Variants in FAT3 observed in about 807,000 individuals in gnomAD.
The protein encoded by FAT3 is protocadherin Fat 3.
FAT3 carries 95 observed loss-of-function variants against 310.2 expected under a neutral mutation model. The observed-to-expected ratio is 0.31, with a 90% CI of 0.26 to 0.36. The LOEUF is 0.36. Among genes scored for constraint, FAT3 ranks in the 10% least tolerant of loss-of-function variants. FAT3 has a pLI of 1.00. For missense variants in FAT3, 5,408 were observed against 5,715.6 expected, an observed-to-expected ratio of 0.95 and a Z score of 1.74; for synonymous variants, 2,314 against 2,192.9, an observed-to-expected ratio of 1.06 and a Z score of -1.54.
chr11:92,395,993 T>A (rs142883782), intron 2 of FAT3, among the ~76,000 whole-genome samples: 1 of 152,140 alleles, frequency 6.6e-6, no homozygotes, highest in African/African-American at 2.4e-5. Flanking sequence ...GTCTTTTCCC[T>A]TAGGAGAAAT....
At chr11:92,708,300 C>G (rs1019208363) in intron 4 of FAT3, among the ~76,000 whole-genome samples, 8 of 152,254 alleles carry the variant, frequency 5.3e-5, no homozygotes, top group Admixed American at 4.6e-4. Flanking sequence ...AAAAAAATCT[C>G]TTATAAGACA....
Position 92,844,243 on chromosome 11 carries a change from C to T in FAT3, c.10876C>T (p.Arg3626Cys), listed in dbSNP as rs1409486526. The change falls in exon 19 of 28, where the codon CGC becomes TGC. Residue 3626 changes from arginine to cysteine, a missense_variant. By Grantham distance (180) the Arg-to-Cys change is radical. Transcript: ENST00000525166. The part of the protein sequence containing the change: ...YVLNVSVSDG[R>C]FQVPIDVVVH... ...CCTGAATGTGTCTGTGAGTGATGGT[C>T]GCTTCCAGGTACCCATTGATGTGGT... The T allele has an allele frequency of 9.3e-6, 15 of 1,613,960 alleles. No homozygotes were observed. Among genetic ancestry groups the T allele is most frequent in the East Asian group, 8.9e-5 (4 of 44,884 alleles).
intron 4 of FAT3, among the ~76,000 whole-genome samples, chr11:92,754,485 A>G (rs893785941): frequency 6.6e-6 from 1 of 151,454 alleles, no homozygotes; most frequent in Non-Finnish European, 1.5e-5. Context: ...AAAATTAGCC[A>G]GGCATGGTGG....
At chr11:92,239,858 C>T (rs555935736) in intron 1 of FAT3, among the ~76,000 whole-genome samples, 1 of 152,102 alleles carries the variant, frequency 6.6e-6, no homozygotes, top group Non-Finnish European at 1.5e-5. Flanking sequence ...TTGGACCCAG[C>T]TTTTCTTGCC....
At chr11:92,519,438 A>G (rs1344380103) in intron 2 of FAT3, among the ~76,000 whole-genome samples, 1 of 152,142 alleles carries the variant, frequency 6.6e-6, no homozygotes, top group Non-Finnish European at 1.5e-5. Flanking sequence ...ACCAGAAGAA[A>G]ACACAGGACA....
At chr11:92,249,418 A>G (rs987779018) in intron 1 of FAT3, among the ~76,000 whole-genome samples, 1 of 152,130 alleles carries the variant, frequency 6.6e-6, no homozygotes, top group Non-Finnish European at 1.5e-5. Flanking sequence ...AGGTCTTAGC[A>G]AGTGAACTGA....
chr11:92,237,293 A>G (rs971431300), intron 1 of FAT3, among the ~76,000 whole-genome samples: 5 of 152,194 alleles, frequency 3.3e-5, no homozygotes, highest in African/African-American at 1.2e-4. Context: ...AGGCTGGAGC[A>G]GTCTGTGAGT....
Position 92,524,649 on chromosome 11 carries a change from C to T in FAT3, c.3308C>T (p.Ala1103Val), listed in dbSNP as rs1394749245. The T allele has an allele frequency of 1.9e-6, 3 of 1,613,088 alleles. No individual in the cohort carries two copies. Among genetic ancestry groups the T allele is most frequent in the Non-Finnish European group, 2.5e-6 (3 of 1,179,196 alleles). ...TTTGTCTCAGGGGTCATCACTGCCG[C>T]AGACATTCTTGATCGGGAGACAATG... ...IDDESGVITA[A>V]DILDRETMGS... The change falls in exon 3 of 28, where the codon GCA (alanine) becomes GTA (valine). Residue 1103 changes from alanine (A) to valine (V), a missense_variant. Coordinates refer to ENST00000525166, the MANE Select transcript of FAT3 (RefSeq NM_001367949.2).
chr11:92,563,084 G>A (rs545358562), intron 3 of FAT3, among the ~76,000 whole-genome samples: 1 of 152,286 alleles, frequency 6.6e-6, no homozygotes, highest in African/African-American at 2.4e-5. Flanking sequence ...AATTTAGAAA[G>A]AGCTGGAGAA....
intron 2 of FAT3, among the ~76,000 whole-genome samples, chr11:92,362,928 A>G (rs1007591718): frequency 2.6e-5 from 4 of 152,206 alleles, no homozygotes; most frequent in African/African-American, 7.2e-5. Flanking sequence ...ACAAGGTAAG[A>G]AAGTGAAACC....
In FAT3 at chr11:92,799,201, T is replaced by C; in HGVS notation, c.6188T>C (p.Leu2063Pro). ...VVEASRELDH[L>P]RVARVVVRVN... is the part of the protein sequence containing the mutation. ...GAAGCCAGCCGTGAGCTGGACCATC[T>C]GCGTGTGGCCAGAGTGGTGGTCAGG... Residue 2063 changes from leucine to proline, a missense_variant, in exon 10 of 28, where the codon CTG (leucine) becomes CCG (proline). Transcript: ENST00000525166. 1 of 1,613,964 alleles carries C rather than the reference T, an allele frequency of 6.2e-7. No homozygotes were observed. Among genetic ancestry groups the C allele is most frequent in the Admixed American group, 1.7e-5 (1 of 60,022 alleles).
intron 1 of FAT3, among the ~76,000 whole-genome samples, chr11:92,297,685 T>C (rs751725950): frequency 6.6e-6 from 1 of 152,162 alleles, no homozygotes; most frequent in Admixed American, 6.5e-5. Context: ...ATATTGTTTC[T>C]GTGTTGCACG....
chr11:92,319,801 G>A (rs1325434786), intron 1 of FAT3, among the ~76,000 whole-genome samples: 2 of 152,084 alleles, frequency 1.3e-5, no homozygotes, highest in Non-Finnish European at 2.9e-5. Context: ...TTCTAATCAA[G>A]TATATATAAA....
At chr11:92,797,710 C>T in intron 9 of FAT3, 126 bp from the exon 10 acceptor site, 2 of 776,918 alleles carry the variant, frequency 2.6e-6, no homozygotes, top group South Asian at 3.9e-5. Context: ...CAGAATGACA[C>T]AGATGAGTAC....
At chr11:92,270,559 G>A (rs1213385907) in intron 1 of FAT3, among the ~76,000 whole-genome samples, 4 of 151,942 alleles carry the variant, frequency 2.6e-5, no homozygotes, top group East Asian at 2.0e-4. Flanking sequence ...GGTGGCACAT[G>A]CCTGTAATCC....
rs569019851 is a variant in FAT3 at position 92,625,781 on chromosome 11, G to A, written c.3608-71603G>A. Among the ~76,000 whole-genome samples the A allele has an allele frequency of 2.0e-5, 3 of 151,010 alleles. No homozygotes were observed. The South Asian group carries it at 6.3e-4, about 32-fold the overall frequency. On this transcript the variant is annotated intron_variant, in intron 3 of 27. Transcript: ENST00000525166. ...ACAGGATAGTCAATATTGGCCAAGT[G>A]CTAAGACACACTTAGCTAACCCCAG... is the stretch of plus-strand genomic sequence containing the variant.
chr11:92,311,276 G>A (rs938173260), intron 1 of FAT3, among the ~76,000 whole-genome samples: 5 of 151,984 alleles, frequency 3.3e-5, no homozygotes, highest in South Asian at 2.1e-4. Flanking sequence ...AAATGATTAC[G>A]TCTTATTTTC....
intron 2 of FAT3, among the ~76,000 whole-genome samples, chr11:92,475,473 A>G (rs1329588020): frequency 1.3e-5 from 2 of 152,086 alleles, no homozygotes; most frequent in Non-Finnish European, 2.9e-5. Flanking sequence ...AAACAGTTCA[A>G]AAGAACCTAC....
At chr11:92,678,976 A>AT (rs1014736603) in intron 3 of FAT3, among the ~76,000 whole-genome samples, 1 of 152,040 alleles carries the variant, frequency 6.6e-6, no homozygotes, top group Admixed American at 6.6e-5. Context: ...CTGAGTCTTC[A>AT]TTTTTTATCA....
Sources: allele counts gnomAD v4.1 joint callset (sites outside exome capture counted in the v4.1 genomes callset), GRCh38; gene constraint gnomAD v4.1.1; transcripts MANE v1.5; gene names NCBI Gene and HGNC (gene_info 2026-07-23, HGNC 2026-07-21).